SORT1: variants seen among roughly 807,000 people sequenced by gnomAD.
SORT1 encodes the protein sortilin 1, also known as sortilin.
SORT1 carries 39 observed loss-of-function variants against 101.7 expected under a neutral mutation model. The ratio of observed to expected loss-of-function variants is 0.38; its 90% CI spans 0.30 to 0.50. The LOEUF is 0.50. Ranked by LOEUF, SORT1 falls within the 20% of genes least tolerant of loss-of-function variation. SORT1 has a pLI of 0.90. For missense variants in SORT1, 878 were observed against 1,040.4 expected (o/e 0.84, Z 2.15); for synonymous variants, 396 against 393.7 (o/e 1.01, Z -0.07).
rs1399737109 is a variant in SORT1, at chr1:109,330,497, A to C, written c.1372-2896T>G. Among the ~76,000 whole-genome samples the C allele has an allele frequency of 8.5e-5, 13 of 152,220 alleles. No individual in the cohort carries two copies. The East Asian group carries it at 2.3e-3, about 27-fold the overall frequency. ...TGCAGCAAAAGCAGTTCTAAGAAGA[A>C]AGTTTATGGTGATAAATGTCTACAT... is the stretch of plus-strand genomic sequence containing the variant. On this transcript the variant is annotated intron_variant, in intron 11 of 19. Coordinates refer to ENST00000256637, the MANE Select transcript of SORT1 (RefSeq NM_002959.7).
chr1:109,370,735 G>T (rs1651438249), intron 1 of SORT1, among the ~76,000 whole-genome samples: 1 of 152,122 alleles, frequency 6.6e-6, no homozygotes, highest in Admixed American at 6.5e-5. Context: ...GATATGAGAA[G>T]CTCCTTGGAA....
At position 109,314,201 on chromosome 1, in the gene SORT1, T is replaced by C. The variant is rs72646592; in HGVS notation, c.2481+60A>G. ...TCTTGATCATGAATAGAAGACAGAC[T>C]TTATTTTCTTGTATTTTTTGGGGGG... is the stretch of plus-strand genomic sequence containing the variant. On this transcript the variant is annotated intron_variant, in intron 19 of 19. Transcript: ENST00000256637. 9.8e-5 allele frequency: 130 copies of C among 1,326,460 alleles called. No individual in the cohort carries two copies. In the Middle Eastern group the frequency reaches 7.9e-3, roughly 81 times the overall value. The allele number at this position is 1,326,460 out of a possible 1,614,324, so 82.2% of individuals were successfully genotyped here. A position where few individuals can be genotyped will look rare whatever the true frequency, so the allele number is the denominator to read the frequency against.
chr1:109,318,719 G>A (rs1417390300), intron 15 of SORT1, among the ~76,000 whole-genome samples: 1 of 152,098 alleles, frequency 6.6e-6, no homozygotes, highest in Non-Finnish European at 1.5e-5. Flanking sequence ...GAGTACAGCG[G>A]CATGAACACT....
At chr1:109,390,771 A>ATGTGTGTGTGTG (rs376882706) in intron 1 of SORT1, among the ~76,000 whole-genome samples, 218 of 145,698 alleles carry the variant, frequency 1.5e-3, no homozygotes, top group African/African-American at 5.3e-3. Flanking sequence ...GTGTGTGTGT[A>ATGTGTGTGTGTG]TGTGTGTGTG....
At chr1:109,378,913 C>T (rs991509204) in intron 1 of SORT1, among the ~76,000 whole-genome samples, 2 of 150,568 alleles carry the variant, frequency 1.3e-5, no homozygotes, top group African/African-American at 2.4e-5. Flanking sequence ...GAGGCTGAGG[C>T]GGGTGGATCA....
chr1:109,395,012 T>G (rs1653111834), intron 1 of SORT1, among the ~76,000 whole-genome samples: 1 of 152,100 alleles, frequency 6.6e-6, no homozygotes, highest in Admixed American at 6.6e-5. Context: ...GTTCAGGATT[T>G]TTTATGACTT....
intron 3 of SORT1, among the ~76,000 whole-genome samples, chr1:109,362,712 T>C (rs1650806698): frequency 1.3e-5 from 2 of 152,098 alleles, no homozygotes; most frequent in Admixed American, 6.6e-5. Context: ...TGGGTCTTCA[T>C]CTTACTCTGA....
chr1:109,358,641 GTCAGGAGTTCAAGACC>G (rs1011524206), intron 3 of SORT1, among the ~76,000 whole-genome samples: 1 of 152,086 alleles, frequency 6.6e-6, no homozygotes, highest in African/African-American at 2.4e-5. Context: ...GGATCACAAG[GTCAGGAGTTCAAGACC>G]AGCCTGGCCA....
intron 2 of SORT1, 81 bp from the exon 3 acceptor site, chr1:109,367,562 C>G: frequency 1.2e-6 from 1 of 856,900 alleles, no homozygotes. Context: ...TAAGCCAACA[C>G]CTAAAAGACT....
At chr1:109,366,911 A>C (rs1421423274) in intron 3 of SORT1, 2 of 13,718 alleles carry the variant, frequency 1.5e-4, no homozygotes, top group Non-Finnish European at 1.9e-4. Context: ...GACCCTGCTC[A>C]AAAAAAAAAA....
At chr1:109,384,316 A>G (rs1035452636) in intron 1 of SORT1, among the ~76,000 whole-genome samples, 1 of 152,198 alleles carries the variant, frequency 6.6e-6, no homozygotes, top group African/African-American at 2.4e-5. Context: ...AATTTATTAA[A>G]CCGGTTAGAA....
At position 109,397,757 on chromosome 1, in the gene SORT1, G is replaced by T; in HGVS notation, c.136C>A (p.Pro46Thr). The change falls in exon 1 of 20, where the codon CCG (proline) becomes ACG (threonine). Residue 46 changes from proline to threonine, a missense_variant. Around this residue, in one of 2 missense-constraint regions of SORT1, gnomAD observed 194 missense variants for 145.9 expected, o/e 1.33. Transcript: ENST00000256637. Reference sequence around the variant, plus strand: ...ATGGGGCCAGACCAGCGCGGCAGCGGCGCAGCGGGCGGCGGCGGCGCGTCC... The same window carrying T: ...ATGGGGCCAGACCAGCGCGGCAGCGTCGCAGCGGGCGGCGGCGGCGCGTCC... ...RLDAPPPPAA[P>T]LPRWSGPIGV... is the part of the protein sequence containing the mutation. The T allele has an allele frequency of 8.3e-7, 1 of 1,202,978 alleles. No individual in the cohort carries two copies. Among genetic ancestry groups the T allele is most frequent in the South Asian group, 2.6e-5 (1 of 38,198 alleles). 74.5% of individuals were successfully genotyped at this position (1,202,978 alleles called of 1,614,324 possible). A position where few individuals can be genotyped will look rare whatever the true frequency, so the allele number is the denominator to read the frequency against.
At chr1:109,326,798 G>A in intron 13 of SORT1, 194 bp downstream of exon 13, 1 of 458,652 alleles carries the variant, frequency 2.2e-6, no homozygotes, top group Non-Finnish European at 3.8e-6. Context: ...GTTAGCTAAA[G>A]GCAGTCAGAA....
chr1:109,390,752 AGTGTGTGTGTGTGTGTGTAT>A (rs1377819398), intron 1 of SORT1, among the ~76,000 whole-genome samples: 1 of 144,428 alleles, frequency 6.9e-6, no homozygotes, highest in Admixed American at 6.8e-5. Context: ...AATATTAGAA[AGTGTGTGTGTGTGTGTGTAT>A]GTGTGTGTGT....
rs1247397286 is a variant in SORT1 at position 109,397,775 on chromosome 1, G to A, written c.118C>T (p.Pro40Ser). 1.2e-5 allele frequency: 15 copies of A among 1,218,102 alleles called. No individual in the cohort carries two copies. Among genetic ancestry groups the A allele is most frequent in the African/African-American group, 1.6e-5 (1 of 62,148 alleles). The allele number at this position is 1,218,102 out of a possible 1,614,324, so 75.5% of individuals were successfully genotyped here. ...GGCAGCGGCGCAGCGGGCGGCGGCG[G>A]CGCGTCCAGCCGGTCCTGGCTGAGG... ...STLSQDRLDAPPPPAAPLPRW... is the reference protein window; with the variant it reads ...STLSQDRLDASPPPAAPLPRW... The change falls in exon 1 of 20, where the codon CCG becomes TCG. Residue 40 changes from proline to serine, a missense_variant. Pro to Ser is a moderately conservative substitution (Grantham distance 74, BLOSUM62 -1). Transcript: ENST00000256637.
chr1:109,339,861 A>C (rs1649094216), intron 10 of SORT1, among the ~76,000 whole-genome samples: 2 of 152,138 alleles, frequency 1.3e-5, no homozygotes, highest in African/African-American at 4.8e-5. Context: ...GGAGGAATAA[A>C]AAACAGGCTG....
intron 1 of SORT1, among the ~76,000 whole-genome samples, chr1:109,383,629 C>T (rs1162889817): frequency 6.6e-6 from 1 of 152,178 alleles, no homozygotes; most frequent in Non-Finnish European, 1.5e-5. Context: ...GACTGCCCAT[C>T]TAGGATTAGG....
chr1:109,349,080 C>A (rs1649799631), intron 6 of SORT1, among the ~76,000 whole-genome samples: 1 of 152,224 alleles, frequency 6.6e-6, no homozygotes, highest in Non-Finnish European at 1.5e-5. Context: ...TACGGTGGCT[C>A]ATGCCCTGTA....
At chr1:109,367,055 G>A in intron 3 of SORT1, 1 of 173,212 alleles carries the variant, frequency 5.8e-6, no homozygotes, top group Non-Finnish European at 1.2e-5. Flanking sequence ...GGGAAACCCT[G>A]TCTCTACAAA....
Sources: gnomAD v4.1 joint callset for allele counts (sites outside exome capture counted in the v4.1 genomes callset) on GRCh38, gnomAD v4.1.1 for gene constraint, gnomAD v4.1.1 regional missense constraint, MANE v1.5 for transcripts, NCBI Gene and HGNC (gene_info 2026-07-23, HGNC 2026-07-21) for gene names.